CCNA1: variants seen among roughly 807,000 people sequenced by gnomAD.
The protein encoded by CCNA1 is cyclin-A1.
A neutral mutation model predicts 54.1 loss-of-function variants in CCNA1; 23 were observed. The ratio of observed to expected loss-of-function variants is 0.42; its 90% CI spans 0.31 to 0.60. CCNA1 has a LOEUF of 0.60. CCNA1 is among the 20% of genes least tolerant of loss of function. CCNA1 has a pLI of 0.14. For synonymous variants in CCNA1, 208 were observed against 213.9 expected (o/e 0.97, Z 0.24); for missense variants, 450 against 556.7 (o/e 0.81, Z 1.93).
rs111610470 is a variant in CCNA1, at chr13:36,438,624, C to A, written c.670-20C>A. On this transcript the variant is annotated intron_variant, in intron 4 of 8. Coordinates refer to ENST00000255465, the MANE Select transcript of CCNA1 (RefSeq NM_003914.4). Reference sequence around the variant, plus strand: ...TTCTGAAATTGCAACTACTAAATATCAAAACCTTTTCCCAATCAGATAAGG... The same window carrying A: ...TTCTGAAATTGCAACTACTAAATATAAAAACCTTTTCCCAATCAGATAAGG... 1.1e-4 allele frequency: 176 copies of A among 1,587,652 alleles called. 4 individuals are homozygous for A. The African/African-American group carries it at 1.6e-3, about 14-fold the overall frequency.
chr13:36,441,062 A>C (rs1180010604), intron 6 of CCNA1, 56 bp from the exon 7 acceptor site: 2 of 883,978 alleles, frequency 2.3e-6, no homozygotes, highest in African/African-American at 3.4e-5. Flanking sequence ...TTCCAGGCTT[A>C]CTTGTGACCT....
chr13:36,433,067 GCAACCC>G lies in CCNA1; in HGVS notation c.147_152del (p.Asn49_Pro50del). ...GTGGAGTCTGAAGCAATGCACTGCA[GCAACCC>G]CAAGAGTGGAGTTGTGCTGGCTACA... On this transcript the variant is annotated inframe_deletion, in exon 2 of 9. Transcript: ENST00000255465. 2 of 1,614,042 alleles carry G rather than the reference GCAACCC, an allele frequency of 1.2e-6. No individual in the cohort carries two copies. The highest frequency in any genetic ancestry group is 1.7e-6 in the Non-Finnish European group (2 of 1,179,912).
At chr13:36,440,290 C>G (rs551034520) in intron 6 of CCNA1, 107 bp downstream of exon 6, 11 of 1,013,088 alleles carry the variant, frequency 1.1e-5, no homozygotes, top group Non-Finnish European at 1.5e-5. Flanking sequence ...TTTCTTCCCA[C>G]AGGCCCAGAA....
In CCNA1 at chr13:36,442,316, A is replaced by C; in HGVS notation, c.1346+12A>C. 6.2e-7 allele frequency: 1 copy of C among 1,612,874 alleles called. No homozygotes were observed. The highest frequency in any genetic ancestry group is 8.5e-7 in the Non-Finnish European group (1 of 1,179,026). On this transcript the variant is annotated intron_variant, in intron 8 of 8. Coordinates refer to ENST00000255465, the MANE Select transcript of CCNA1 (RefSeq NM_003914.4). ...TACAAGGCTTCAAAGTAAGTCACTG[A>C]CATTTTCATATCTTAGCTCTCTATT... is the stretch of plus-strand genomic sequence containing the variant.
chr13:36,432,960 G>C (rs955447915), intron 1 of CCNA1, 73 bp from the exon 2 acceptor site: 1 of 1,406,808 alleles, frequency 7.1e-7, no homozygotes, highest in South Asian at 1.3e-5. Flanking sequence ...CCTCCTAGAG[G>C]TTCGCTGTGT....
At chr13:36,433,458 C>T (rs146768374) in intron 2 of CCNA1, among the ~76,000 whole-genome samples, 17 of 77,120 alleles carry the variant, frequency 2.2e-4, no homozygotes, top group Non-Finnish European at 3.2e-4. Flanking sequence ...TTCTTTCTTT[C>T]TTTTCTTTCT....
chr13:36,433,440 T>TTCTTTCTTTTCTTTC lies in CCNA1; in HGVS notation c.297+221_297+222insTTTCTTTTCTTTCTC, dbSNP rs1566169715. 3.9e-3 allele frequency among the ~76,000 whole-genome samples: 311 copies of TTCTTTCTTTTCTTTC among 79,934 alleles called. 14 individuals are homozygous for TTCTTTCTTTTCTTTC. The highest frequency in any genetic ancestry group is 9.8e-3 in the African/African-American group (267 of 27,160). 52.4% of individuals were successfully genotyped at this position (79,934 alleles called of 152,430 possible). ...TTTCTTTCTTTCTTTCTTTCTTTCT[T>TTCTTTCTTTTCTTTC]TCGTTCTTTCTTTCTTTCTTTTCTT... On this transcript the variant is annotated intron_variant, in intron 2 of 8. Coordinates refer to ENST00000255465, the MANE Select transcript of CCNA1 (RefSeq NM_003914.4).
chr13:36,442,619 T>C lies in CCNA1; in HGVS notation c.1352T>C (p.Leu451Pro). Residue 451 changes from leucine to proline, a missense_variant, in exon 9 of 9, where the codon CTG becomes CCG. Physicochemically the swap from Leu to Pro is moderately conservative, Grantham distance 98. Coordinates refer to ENST00000255465, the MANE Select transcript of CCNA1 (RefSeq NM_003914.4). ...TGCTTTGGGTCTTGTTTCAGGTACC[T>C]GTGTGTGTCCCTCATGGAGCCACCT... The C allele has an allele frequency of 6.2e-7, 1 of 1,613,960 alleles. No homozygotes were observed. The highest frequency in any genetic ancestry group is 8.5e-7 in the Non-Finnish European group (1 of 1,179,872).
At chr13:36,441,973 T>G (rs969528413) in intron 7 of CCNA1, among the ~76,000 whole-genome samples, 198 bp from the exon 8 acceptor site, 1 of 152,080 alleles carries the variant, frequency 6.6e-6, no homozygotes, top group Non-Finnish European at 1.5e-5. Context: ...CATTATAAAT[T>G]TATAATATGA....
In CCNA1 at chr13:36,432,706, G is replaced by A. The variant is rs541845241; in HGVS notation, c.85G>A (p.Gly29Arg). The A allele has an allele frequency of 2.4e-5, 38 of 1,611,628 alleles. No individual in the cohort carries two copies. The highest frequency in any genetic ancestry group is 3.1e-5 in the Non-Finnish European group (36 of 1,178,388). ...AGAGTATCTCAGCTGGGAAGGACCGGGGCTCCCAGATTTCGTCTTCCAGGT... is the reference window on the plus strand; with the variant it reads ...AGAGTATCTCAGCTGGGAAGGACCGAGGCTCCCAGATTTCGTCTTCCAGGT... The change falls in exon 1 of 9, where the codon GGG becomes AGG. Residue 29 changes from glycine (G) to arginine (R), a missense_variant. Transcript: ENST00000255465.
rs145829125 is a variant in CCNA1, at chr13:36,437,694, A to G, written c.363A>G (p.Ala121=). 8.7e-5 allele frequency: 140 copies of G among 1,613,824 alleles called. No homozygotes were observed. Among genetic ancestry groups the G allele is most frequent in the Non-Finnish European group, 1.1e-5 (13 of 1,179,954 alleles). ...CCTTCCCTCCAGCTGGAAAGAAAGC[A>G]CTCCCTGACTGTGGGGTCCAAGAGC... Residue 121 remains alanine, a synonymous_variant, in exon 3 of 9, where the codon GCA becomes GCG. Transcript: ENST00000255465.
chr13:36,440,259 A>C (rs776472260), intron 6 of CCNA1, 76 bp downstream of exon 6: 2 of 1,270,972 alleles, frequency 1.6e-6, no homozygotes, highest in Admixed American at 1.9e-5. Flanking sequence ...ATCATCCTTC[A>C]GTTCTTTTTT....
At chr13:36,440,693 T>G (rs893739422) in intron 6 of CCNA1, among the ~76,000 whole-genome samples, 2 of 152,234 alleles carry the variant, frequency 1.3e-5, no homozygotes, top group Non-Finnish European at 2.9e-5. Flanking sequence ...TCCACATGTT[T>G]TACTATGTTT....
Position 36,440,171 on chromosome 13 carries a change from G to A in CCNA1, c.1086G>A (p.Glu362=). Residue 362 remains glutamate (E), a synonymous_variant, in exon 6 of 9, where the codon GAG becomes GAA. Transcript: ENST00000255465. ...GACAAGGAGTGTGCGTCAGGACTGA[G>A]AACCTGGCTAAGGTGTGTATGCCGC... The A allele has an allele frequency of 6.2e-7, 1 of 1,613,960 alleles. No individual in the cohort carries two copies. Among genetic ancestry groups the A allele is most frequent in the Non-Finnish European group, 8.5e-7 (1 of 1,179,840 alleles).
Position 36,437,767 on chromosome 13 carries a change from G to C in CCNA1, c.436G>C (p.Asp146His). 6.2e-7 allele frequency: 1 copy of C among 1,614,174 alleles called. No homozygotes were observed. The highest frequency in any genetic ancestry group is 1.1e-5 in the South Asian group (1 of 91,082). The change falls in exon 3 of 9, where the codon GAC (aspartate) becomes CAC (histidine). Residue 146 changes from aspartate to histidine, a missense_variant. By Grantham distance (81) the Asp-to-His change is moderately conservative. This residue lies in a region of CCNA1 where 103 missense variants were observed against 92.9 expected (regional missense o/e 1.11). Transcript: ENST00000255465. ...CTACATGGATGAACTAGAGCAGGGG[G>C]ACAGAGACAGCTGCTCGGTCAGAGA...
intron 2 of CCNA1, among the ~76,000 whole-genome samples, chr13:36,436,759 G>T (rs2055810442): frequency 1.3e-5 from 2 of 152,268 alleles, no homozygotes; most frequent in South Asian, 4.1e-4. Flanking sequence ...ATAAATAAAA[G>T]GGAGAGTTAT....
At position 36,439,984 on chromosome 13, in the gene CCNA1, A is replaced by G; in HGVS notation, c.899A>G (p.Tyr300Cys). The G allele has an allele frequency of 6.2e-7, 1 of 1,606,842 alleles. No individual in the cohort carries two copies. Among genetic ancestry groups the G allele is most frequent in the Non-Finnish European group, 8.5e-7 (1 of 1,173,818 alleles). Residue 300 changes from tyrosine (Y) to cysteine (C), a missense_variant, in exon 6 of 9, where the codon TAT becomes TGT. Physicochemically the swap from Tyr to Cys is radical, Grantham distance 194. Coordinates refer to ENST00000255465, the MANE Select transcript of CCNA1 (RefSeq NM_003914.4). The stretch of plus-strand genomic sequence containing the variant: ...GAAAACTCTTCCTTTCCCAGGAAAT[A>G]TGAAGAGATATATCCTCCTGAAGTA...
chr13:36,440,251 C>T (rs2055859645), intron 6 of CCNA1, 68 bp downstream of exon 6: 1 of 1,310,680 alleles, frequency 7.6e-7, no homozygotes, highest in Non-Finnish European at 1.1e-6. Flanking sequence ...CTTTCCCAAT[C>T]ATCCTTCAGT....
At chr13:36,442,346 G>C in intron 8 of CCNA1, 42 bp downstream of exon 8, 1 of 1,595,488 alleles carries the variant, frequency 6.3e-7, no homozygotes, top group African/African-American at 1.3e-5. Context: ...TCTATTTAAA[G>C]CTTAATGGGT....
Sources: allele counts gnomAD v4.1 joint callset (sites outside exome capture counted in the v4.1 genomes callset), GRCh38; gene constraint gnomAD v4.1.1; regional missense constraint gnomAD v4.1.1; transcripts MANE v1.5; gene names NCBI Gene and HGNC (gene_info 2026-07-23, HGNC 2026-07-21).